The following IKBKB variants were observed in gnomAD, a reference collection of about 807,000 sequenced individuals.
IKBKB encodes inhibitor of nuclear factor kappa-B kinase subunit beta.
A neutral mutation model predicts 113.6 loss-of-function variants in IKBKB; 42 were observed. The observed-to-expected ratio is 0.37, with a 90% confidence interval of 0.29 to 0.48. The LOEUF (loss-of-function observed/expected upper bound fraction) is 0.48, where lower values mean the gene tolerates loss of function less well. IKBKB is among the 20% of genes least tolerant of loss of function. The pLI, the probability that IKBKB is intolerant of heterozygous loss-of-function variation, is 0.99. For synonymous variants in IKBKB, 296 were observed against 361.3 expected (o/e 0.82, Z 2.05); for missense variants, 673 against 939.7 (o/e 0.72, Z 3.71).
intron 3 of IKBKB, among the ~76,000 whole-genome samples, chr8:42,289,599 A>G (rs1160793363): frequency 6.6e-6 from 1 of 152,058 alleles, no homozygotes; most frequent in Non-Finnish European, 1.5e-5. Context: ...AGTGAGGAGG[A>G]CACCAAGCAG....
chr8:42,292,979 A>G (rs1225563344), intron 4 of IKBKB, among the ~76,000 whole-genome samples: 1 of 152,192 alleles, frequency 6.6e-6, no homozygotes, highest in South Asian at 2.1e-4. Context: ...GGCCCCTGGC[A>G]CGTAGTAAGT....
rs1438612862 is a variant in IKBKB, at chr8:42,322,503, G to C, written c.1986+9G>C. ...TCCTGAAGATTGCTTGTGTGAGTGA[G>C]TGCTGTGGTCCCGGGCCCTTGGCCT... On this transcript the variant is annotated intron_variant, in intron 19 of 21. Transcript: ENST00000520810. 6.2e-7 allele frequency: 1 copy of C among 1,613,682 alleles called. No homozygotes were observed. Among genetic ancestry groups the C allele is most frequent in the South Asian group, 1.1e-5 (1 of 91,068 alleles).
chr8:42,330,391 G>T, intron 21 of IKBKB: 16 of 845,824 alleles, frequency 1.9e-5, no homozygotes, highest in Non-Finnish European at 2.3e-5. Context: ...TTGCTATGTT[G>T]CCCAGGCTGG....
chr8:42,306,259 T>A, intron 6 of IKBKB, 84 bp from the exon 7 acceptor site: 2 of 839,788 alleles, frequency 2.4e-6, no homozygotes, highest in East Asian at 2.5e-5. Context: ...GAAATACCTC[T>A]GCTCTAACAC....
chr8:42,288,992 G>A (rs903001734), intron 3 of IKBKB, among the ~76,000 whole-genome samples: 9 of 151,926 alleles, frequency 5.9e-5, no homozygotes, highest in Non-Finnish European at 4.4e-5. Context: ...AGGGAAGGGG[G>A]AAGGGCATGC....
chr8:42,277,020 C>T (rs1478107868), intron 2 of IKBKB, among the ~76,000 whole-genome samples: 1 of 151,092 alleles, frequency 6.6e-6, no homozygotes, highest in Non-Finnish European at 1.5e-5. Flanking sequence ...GCGCCTGCCA[C>T]CACCCCCGAC....
chr8:42,279,560 A>G (rs919285068), intron 2 of IKBKB, among the ~76,000 whole-genome samples: 1 of 152,222 alleles, frequency 6.6e-6, no homozygotes, highest in African/African-American at 2.4e-5. Context: ...CTTTCTCTCC[A>G]GCCCTCACAA....
At chr8:42,275,515 C>T (rs1039781347) in intron 2 of IKBKB, among the ~76,000 whole-genome samples, 1 of 152,108 alleles carries the variant, frequency 6.6e-6, no homozygotes, top group Admixed American at 6.6e-5. Flanking sequence ...TTAGCTCCCA[C>T]GGATGAGTGA....
chr8:42,309,116 G>A, intron 8 of IKBKB, 91 bp downstream of exon 8: 2 of 1,382,722 alleles, frequency 1.4e-6, no homozygotes, highest in Non-Finnish European at 2.0e-6. Context: ...CCATCACCGG[G>A]CCTGGGAGAT....
intron 4 of IKBKB, among the ~76,000 whole-genome samples, chr8:42,291,137 C>T (rs1585608247): frequency 6.6e-6 from 1 of 152,288 alleles, no homozygotes; most frequent in African/African-American, 2.4e-5. Context: ...ATCTCTGAGG[C>T]TGAATAAGGC....
intron 9 of IKBKB, among the ~76,000 whole-genome samples, chr8:42,314,913 C>T (rs541266278): frequency 3.3e-5 from 5 of 152,288 alleles, no homozygotes; most frequent in Admixed American, 3.3e-4. Flanking sequence ...GGGTTTTCCT[C>T]CCTTATCTCC....
At chr8:42,319,137 C>A in intron 13 of IKBKB, 133 bp from the exon 14 acceptor site, 1 of 799,770 alleles carries the variant, frequency 1.3e-6, no homozygotes, top group Non-Finnish European at 2.0e-6. Context: ...TAAGTGGCTG[C>A]TATAATAATA....
At chr8:42,306,116 T>C (rs1024663997) in intron 6 of IKBKB, among the ~76,000 whole-genome samples, 16 of 152,170 alleles carry the variant, frequency 1.1e-4, no homozygotes, top group Admixed American at 9.2e-4. Context: ...CGTGGCAGAG[T>C]GTGGGAGGAC....
At chr8:42,284,289 T>TA (rs1279723775) in intron 2 of IKBKB, among the ~76,000 whole-genome samples, 1 of 152,124 alleles carries the variant, frequency 6.6e-6, no homozygotes, top group South Asian at 2.1e-4. Context: ...TGCCCCTTAA[T>TA]ACTGAGGTGA....
chr8:42,297,881 C>T (rs546599248), intron 5 of IKBKB, among the ~76,000 whole-genome samples: 141 of 151,950 alleles, frequency 9.3e-4, no homozygotes, highest in Non-Finnish European at 1.7e-3. Context: ...GCAACAAGAG[C>T]GAGACTCTGT....
At chr8:42,302,613 T>C (rs1815448143) in intron 5 of IKBKB, among the ~76,000 whole-genome samples, 1 of 152,196 alleles carries the variant, frequency 6.6e-6, no homozygotes, top group Admixed American at 6.5e-5. Flanking sequence ...CATTGTTCCA[T>C]GCACAAAATT....
intron 3 of IKBKB, among the ~76,000 whole-genome samples, chr8:42,289,929 G>C (rs895289543): frequency 6.6e-6 from 1 of 152,192 alleles, no homozygotes; most frequent in African/African-American, 2.4e-5. Flanking sequence ...AAAAACTGAA[G>C]TTACACGCAG....
chr8:42,276,815 C>T (rs547221273), intron 2 of IKBKB, among the ~76,000 whole-genome samples: 30 of 151,080 alleles, frequency 2.0e-4, no homozygotes, highest in African/African-American at 7.0e-4. Flanking sequence ...CTGCCTCAGC[C>T]TCCTGAGTAG....
intron 2 of IKBKB, among the ~76,000 whole-genome samples, chr8:42,276,129 C>G (rs1809040609): frequency 6.6e-6 from 1 of 152,220 alleles, no homozygotes; most frequent in African/African-American, 2.4e-5. Flanking sequence ...GTGTGAGCCA[C>G]TGCGCTAGCC....
Sources: allele counts gnomAD v4.1 joint callset (sites outside exome capture counted in the v4.1 genomes callset), GRCh38; gene constraint gnomAD v4.1.1; transcripts MANE v1.5; gene names NCBI Gene and HGNC (gene_info 2026-07-23, HGNC 2026-07-21).